Variants in SCML2 observed in about 807,000 individuals in gnomAD.
The protein encoded by SCML2 is sex comb on midleg-like protein 2.
SCML2 carries 6 observed loss-of-function variants against 48.4 expected under a neutral mutation model. The ratio of observed to expected loss-of-function variants is 0.12; its 90% CI spans 0.07 to 0.24. SCML2 has a LOEUF of 0.24. Among genes scored for constraint, SCML2 ranks in the 10% least tolerant of loss-of-function variants. The pLI, the probability that SCML2 is intolerant of heterozygous loss-of-function variation, is 1.00. For missense variants in SCML2, 377 were observed against 528.2 expected (o/e 0.71, Z 2.81); for synonymous variants, 181 against 189.5 (o/e 0.95, Z 0.37).
In SCML2 at chrX:18,323,916, C is replaced by A; in HGVS notation, c.340G>T (p.Asp114Tyr). The A allele has an allele frequency of 8.3e-7, 1 of 1,211,277 alleles. No individual in the cohort carries two copies. The highest frequency in any genetic ancestry group is 1.1e-6 in the Non-Finnish European group (1 of 895,204). ...NDFWRLVDSP[D>Y]IQPVGTCEKE... ...TCACATGTCCCAACAGGTTGTATGT[C>A]TGGGGAATCGACAAGCCTCCAAAAA... Residue 114 changes from aspartate to tyrosine, a missense_variant, in exon 5 of 15, where the codon GAC (aspartate) becomes TAC (tyrosine). Asp to Tyr is a radical substitution (Grantham distance 160). This residue lies in a region of SCML2 where 17 missense variants were observed against 42.8 expected (regional missense o/e 0.40). Coordinates refer to ENST00000251900, the MANE Select transcript of SCML2 (RefSeq NM_006089.3).
At chrX:18,302,361 T>C (rs748733717) in intron 7 of SCML2, among the ~76,000 whole-genome samples, 1 of 111,259 alleles carries the variant, frequency 9.0e-6, no homozygotes, top group South Asian at 3.8e-4. Flanking sequence ...ATCTCCTACA[T>C]TTACGTATAC....
intron 8 of SCML2, among the ~76,000 whole-genome samples, chrX:18,262,051 TC>T (rs753925354): frequency 9.2e-5 from 10 of 109,143 alleles, no homozygotes; most frequent in African/African-American, 3.5e-4. Context: ...TTATTTTTTT[TC>T]CATACAGCAA....
chrX:18,292,571 C>A (rs989332738), intron 7 of SCML2, among the ~76,000 whole-genome samples: 1 of 110,201 alleles, frequency 9.1e-6, no homozygotes, highest in Admixed American at 9.7e-5. Flanking sequence ...CCTTTTCAAA[C>A]GAAAATTGTC....
intron 7 of SCML2, among the ~76,000 whole-genome samples, chrX:18,278,141 GA>G (rs1335164593): frequency 8.9e-6 from 1 of 112,047 alleles, no homozygotes; most frequent in African/African-American, 3.2e-5. Context: ...CTGGGCAACA[GA>G]GTGAGACCCG....
intron 11 of SCML2, among the ~76,000 whole-genome samples, chrX:18,251,990 T>C (rs895108711): frequency 1.1e-4 from 12 of 112,432 alleles, no homozygotes; most frequent in African/African-American, 3.2e-4. Context: ...CTTGAAAACA[T>C]AGGGTGGGCA....
intron 3 of SCML2, among the ~76,000 whole-genome samples, chrX:18,329,162 T>G (rs1380128227): frequency 8.9e-6 from 1 of 112,060 alleles, no homozygotes; most frequent in Non-Finnish European, 1.9e-5. Flanking sequence ...TTATATGATA[T>G]TTGAATTATA....
At chrX:18,252,601 T>C (rs1219611180) in intron 11 of SCML2, among the ~76,000 whole-genome samples, 2 of 112,359 alleles carry the variant, frequency 1.8e-5, no homozygotes, top group Non-Finnish European at 3.8e-5. Flanking sequence ...ATAAAGTTAC[T>C]ATAAGAAAAG....
At chrX:18,263,550 A>G (rs890015636) in intron 8 of SCML2, among the ~76,000 whole-genome samples, 19 of 111,733 alleles carry the variant, frequency 1.7e-4, no homozygotes, top group Non-Finnish European at 2.8e-4. Flanking sequence ...CATTCTTTTT[A>G]AGAAATATTT....
chrX:18,324,969 G>A lies in SCML2; in HGVS notation c.100C>T (p.His34Tyr), dbSNP rs1231517035. 3 of 1,193,234 alleles carry A rather than the reference G, an allele frequency of 2.5e-6. No individual in the cohort carries two copies. The highest frequency in any genetic ancestry group is 3.5e-5 in the African/African-American group (2 of 56,724). The change falls in exon 4 of 15, where the codon CAC (histidine) becomes TAC (tyrosine). Residue 34 changes from histidine to tyrosine, a missense_variant. Physicochemically the swap from His to Tyr is moderately conservative, Grantham distance 83. Coordinates refer to ENST00000251900, the MANE Select transcript of SCML2 (RefSeq NM_006089.3). The stretch of plus-strand genomic sequence containing the variant: ...GTCTCTTTCAAATACTCCTCCCAGT[G>A]GAAATCATCTGGAAAAAACACATGT... ...STSSVQRDDF[H>Y]WEEYLKETGS... is the part of the protein sequence containing the mutation.
intron 1 of SCML2, chrX:18,341,284 G>A: frequency 1.8e-6 from 1 of 562,555 alleles, no homozygotes; most frequent in Non-Finnish European, 2.7e-6. Flanking sequence ...AAACAGAGAT[G>A]CAGGAGAACA....
intron 3 of SCML2, among the ~76,000 whole-genome samples, chrX:18,328,052 T>A (rs1929540904): frequency 8.9e-6 from 1 of 111,751 alleles, no homozygotes; most frequent in Admixed American, 9.6e-5. Context: ...TGATTTTATA[T>A]ATATATCTCC....
intron 11 of SCML2, among the ~76,000 whole-genome samples, chrX:18,248,865 GAA>G (rs1449326346): frequency 8.9e-6 from 1 of 111,865 alleles, no homozygotes; most frequent in Non-Finnish European, 1.9e-5. Context: ...GGCAAGATTA[GAA>G]AAAGTCTTCA....
At chrX:18,290,029 A>G (rs890794020) in intron 7 of SCML2, among the ~76,000 whole-genome samples, 1 of 111,879 alleles carries the variant, frequency 8.9e-6, no homozygotes, top group African/African-American at 3.2e-5. Context: ...TTAAAACATC[A>G]AACGTTTAGA....
intron 6 of SCML2, among the ~76,000 whole-genome samples, chrX:18,312,419 T>A (rs758491526): frequency 2.7e-5 from 3 of 111,629 alleles, no homozygotes; most frequent in African/African-American, 9.7e-5. Context: ...CTCTAGATTA[T>A]AAGTAATTTA....
chrX:18,273,008 A>G (rs1011890594), intron 7 of SCML2, among the ~76,000 whole-genome samples: 2 of 111,994 alleles, frequency 1.8e-5, no homozygotes, highest in African/African-American at 6.5e-5. Context: ...TGTTAATATC[A>G]CCAACAACTT....
intron 7 of SCML2, among the ~76,000 whole-genome samples, chrX:18,290,974 C>T (rs779681984): frequency 1.8e-5 from 2 of 111,342 alleles, no homozygotes; most frequent in Non-Finnish European, 3.8e-5. Context: ...AGGGAAAAAA[C>T]GGTAGCTTAC....
chrX:18,336,806 G>A (rs1192323050), intron 1 of SCML2, among the ~76,000 whole-genome samples: 1 of 110,797 alleles, frequency 9.0e-6, no homozygotes, highest in Non-Finnish European at 1.9e-5. Context: ...ACTTAGATTC[G>A]TTGTAAATGT....
At chrX:18,311,672 A>G (rs1346907876) in intron 6 of SCML2, among the ~76,000 whole-genome samples, 3 of 112,384 alleles carry the variant, frequency 2.7e-5, no homozygotes, top group African/African-American at 9.7e-5. Context: ...GGGTCATATC[A>G]TATATAGTTT....
chrX:18,256,940 C>A lies in SCML2; in HGVS notation c.1364G>T (p.Ser455Ile). Reference sequence around the variant, plus strand: ...ACTCAAAAGGTTATCACACTGCAGACTGTGGCAGAAGTTCTCAAGAAAGCG... The same window carrying A: ...ACTCAAAAGGTTATCACACTGCAGAATGTGGCAGAAGTTCTCAAGAAAGCG... ...ALRFLENFCH[S>I]LQCDNLLSSQ... The change falls in exon 11 of 15, where the codon AGT (serine) becomes ATT (isoleucine). Residue 455 changes from serine to isoleucine, a missense_variant. Coordinates refer to ENST00000251900, the MANE Select transcript of SCML2 (RefSeq NM_006089.3). 1 of 1,208,426 alleles carries A rather than the reference C, an allele frequency of 8.3e-7. No individual in the cohort carries two copies. The highest frequency in any genetic ancestry group is 1.1e-6 in the Non-Finnish European group (1 of 893,468).
Sources: gnomAD v4.1 joint callset for allele counts (sites outside exome capture counted in the v4.1 genomes callset) on GRCh38, gnomAD v4.1.1 for gene constraint, gnomAD v4.1.1 regional missense constraint, MANE v1.5 for transcripts, NCBI Gene and HGNC (gene_info 2026-07-23, HGNC 2026-07-21) for gene names.